FRK: variants seen among roughly 807,000 people sequenced by gnomAD.
The protein encoded by FRK is tyrosine-protein kinase FRK.
A neutral mutation model predicts 56.4 loss-of-function variants in FRK; 51 were observed. The ratio of observed to expected loss-of-function variants is 0.90; its 90% CI spans 0.72 to 1.14. FRK has a LOEUF of 1.14. FRK is among the 50% of genes most tolerant of loss of function. FRK has a pLI of 0.00. For missense variants in FRK, 570 were observed against 601.4 expected (o/e 0.95, Z 0.55); for synonymous variants, 245 against 217.9 (o/e 1.12, Z -1.10).
At chr6:116,044,268 C>A (rs1776851146) in intron 1 of FRK, among the ~76,000 whole-genome samples, 1 of 152,132 alleles carries the variant, frequency 6.6e-6, no homozygotes, top group African/African-American at 2.4e-5. Flanking sequence ...CAAACTCTGG[C>A]AGAGACACAA....
At chr6:116,037,928 G>C (rs1776550460) in intron 1 of FRK, among the ~76,000 whole-genome samples, 1 of 152,210 alleles carries the variant, frequency 6.6e-6, no homozygotes, top group Non-Finnish European at 1.5e-5. Context: ...TTGCTTTGCA[G>C]ATTTGGAGGA....
At chr6:116,073,535 T>A in the FRK span, among the ~76,000 whole-genome samples, 3 of 152,112 alleles carry the variant, frequency 2.0e-5, no homozygotes, top group Non-Finnish European at 4.4e-5. Context: ...ACAACAATAA[T>A]AAAATTAATT....
chr6:116,013,540 C>A (rs762854590), intron 1 of FRK, among the ~76,000 whole-genome samples: 1 of 152,110 alleles, frequency 6.6e-6, no homozygotes, highest in Admixed American at 6.6e-5. Flanking sequence ...GAGTTGAAAG[C>A]TTTAATCATT....
At chr6:116,024,101 T>C (rs1055025279) in intron 1 of FRK, among the ~76,000 whole-genome samples, 1 of 131,280 alleles carries the variant, frequency 7.6e-6, no homozygotes, top group African/African-American at 2.9e-5. Context: ...CACACACACA[T>C]TAGACTGACC....
chr6:115,994,413 G>A (rs1036009798), intron 2 of FRK, among the ~76,000 whole-genome samples: 2 of 140,932 alleles, frequency 1.4e-5, no homozygotes, highest in African/African-American at 2.6e-5. Context: ...TGTCCTCCTC[G>A]CTATGCATTT....
rs191380912 is a variant in FRK, at chr6:116,042,609, G to A, written c.344+17359C>T. Among the ~76,000 whole-genome samples the A allele has an allele frequency of 2.7e-3, 412 of 152,120 alleles. 2 individuals carry two copies. Among genetic ancestry groups the A allele is most frequent in the African/African-American group, 9.0e-3 (372 of 41,502 alleles). On this transcript the variant is annotated intron_variant, in intron 1 of 7. Coordinates refer to ENST00000606080, the MANE Select transcript of FRK (RefSeq NM_002031.3). The stretch of plus-strand genomic sequence containing the variant: ...AGTACTAAATATGGACAGGAAAAAC[G>A]GGTTTCAGACACTGCAAAAACATAC...
intron 1 of FRK, among the ~76,000 whole-genome samples, chr6:116,018,383 T>C (rs1453979147): frequency 6.6e-6 from 1 of 152,234 alleles, no homozygotes; most frequent in Non-Finnish European, 1.5e-5. Context: ...GGCAAAGCTC[T>C]TCTCACACCA....
intron 5 of FRK, among the ~76,000 whole-genome samples, chr6:115,950,182 G>A (rs1350989208): frequency 1.3e-5 from 2 of 152,176 alleles, no homozygotes; most frequent in Non-Finnish European, 2.9e-5. Context: ...ATTGAGAAAT[G>A]GGATCTAATT....
At chr6:115,955,268 G>A (rs1212268521) in intron 5 of FRK, among the ~76,000 whole-genome samples, 2 of 151,932 alleles carry the variant, frequency 1.3e-5, no homozygotes, top group Non-Finnish European at 2.9e-5. Flanking sequence ...AAAGCCAAAT[G>A]AAGGAAATGT....
the FRK span, among the ~76,000 whole-genome samples, chr6:116,095,523 T>C: frequency 2.0e-5 from 3 of 152,232 alleles, no homozygotes; most frequent in Non-Finnish European, 4.4e-5. Context: ...TCCTAACGTC[T>C]AATCTTATGG....
chr6:116,098,542 T>G, the FRK span, among the ~76,000 whole-genome samples: 2 of 152,148 alleles, frequency 1.3e-5, no homozygotes, highest in African/African-American at 4.8e-5. Context: ...TATTTAACAT[T>G]AATTACTTCC....
intron 2 of FRK, among the ~76,000 whole-genome samples, chr6:115,994,338 C>CCCTTTTTTT (rs1554230544): frequency 1.2e-4 from 11 of 91,766 alleles, no homozygotes; most frequent in Non-Finnish European, 2.2e-4. Flanking sequence ...CCCCCCCCGC[C>CCCTTTTTTT]TTTTTTTTGT....
At chr6:116,093,607 T>C in the FRK span, among the ~76,000 whole-genome samples, 1 of 152,148 alleles carries the variant, frequency 6.6e-6, no homozygotes, top group African/African-American at 2.4e-5. Context: ...CAGCAAGCCA[T>C]CCCCAGTATG....
intron 4 of FRK, among the ~76,000 whole-genome samples, chr6:115,967,191 T>C (rs1439534730): frequency 6.6e-6 from 1 of 152,218 alleles, no homozygotes; most frequent in Non-Finnish European, 1.5e-5. Flanking sequence ...GTTCCCTGAA[T>C]AGTATCAAGA....
intron 1 of FRK, among the ~76,000 whole-genome samples, chr6:116,012,279 C>T (rs1481500751): frequency 6.6e-6 from 1 of 152,130 alleles, no homozygotes; most frequent in Non-Finnish European, 1.5e-5. Flanking sequence ...AGTAAAACCT[C>T]TATTAACCTG....
In FRK at chr6:115,942,586, T is replaced by C. The variant is rs759388740; in HGVS notation, c.1346A>G (p.Asn449Ser). 1 of 1,613,770 alleles carries C rather than the reference T, an allele frequency of 6.2e-7. No individual in the cohort carries two copies. Among genetic ancestry groups the C allele is most frequent in the Admixed American group, 1.7e-5 (1 of 59,976 alleles). ...GAQVIQMLAQNYRLPQPSNCP... is the reference protein window; with the variant it reads ...GAQVIQMLAQSYRLPQPSNCP... Reference sequence around the variant, plus strand: ...GTTGGATGGTTGCGGAAGTCTATAGTTTTGAGCCAACATCTGGATTACCTG... The same window carrying C: ...GTTGGATGGTTGCGGAAGTCTATAGCTTTGAGCCAACATCTGGATTACCTG... Residue 449 changes from asparagine (N) to serine (S), a missense_variant, in exon 8 of 8, where the codon AAC (asparagine) becomes AGC (serine). Transcript: ENST00000606080.
chr6:115,995,483 T>A (rs932813840), intron 2 of FRK, among the ~76,000 whole-genome samples: 1 of 152,156 alleles, frequency 6.6e-6, no homozygotes, highest in Non-Finnish European at 1.5e-5. Flanking sequence ...TTCTTTGTTA[T>A]GTTTTCCTCC....
intron 1 of FRK, among the ~76,000 whole-genome samples, chr6:116,035,243 T>C (rs775184571): frequency 8.6e-5 from 13 of 152,044 alleles, no homozygotes; most frequent in African/African-American, 1.4e-4. Flanking sequence ...TGCTGCTGCT[T>C]GGCCTTCCAA....
chr6:116,059,714 GT>G (rs2114839175), intron 1 of FRK, among the ~76,000 whole-genome samples: 1 of 152,254 alleles, frequency 6.6e-6, no homozygotes, highest in Non-Finnish European at 1.5e-5. Flanking sequence ...CACATCATTT[GT>G]TTATTTTGAA....
Sources: gnomAD v4.1 joint callset for allele counts (sites outside exome capture counted in the v4.1 genomes callset) on GRCh38, gnomAD v4.1.1 for gene constraint, MANE v1.5 for transcripts, NCBI Gene and HGNC (gene_info 2026-07-23, HGNC 2026-07-21) for gene names.